CLCN2: variants seen among roughly 807,000 people sequenced by gnomAD.
The protein encoded by CLCN2 is chloride voltage-gated channel 2.
CLCN2 carries 72 observed loss-of-function variants against 108.3 expected under a neutral mutation model. The ratio of observed to expected loss-of-function variants is 0.66; its 90% CI spans 0.55 to 0.81. CLCN2 has a LOEUF of 0.81. Among genes scored for constraint, CLCN2 ranks in the 30% least tolerant of loss-of-function variants. The pLI, the probability that CLCN2 is intolerant of heterozygous loss-of-function variation, is 0.00. For synonymous variants in CLCN2, 471 were observed against 467.1 expected, an observed-to-expected ratio of 1.01 and a Z score of -0.11; for missense variants, 1,048 against 1,205.2, an observed-to-expected ratio of 0.87 and a Z score of 1.93.
At position 184,360,084 on chromosome 3, in the gene CLCN2, G is replaced by A. The variant is rs145475329; in HGVS notation, c.64-953C>T. ...AGAGGGAACTAGAGAGGAGAAAGTA[G>A]AAGAGAAAAGAGAGGGAAGGCGAAG... On this transcript the variant is annotated intron_variant, in intron 1 of 23. Coordinates refer to ENST00000265593, the MANE Select transcript of CLCN2 (RefSeq NM_004366.6). Among the ~76,000 whole-genome samples the A allele has an allele frequency of 4.3e-3, 650 of 152,140 alleles. 4 individuals are homozygous for A. Among genetic ancestry groups the A allele is most frequent in the Non-Finnish European group, 7.7e-3 (522 of 67,964 alleles).
In CLCN2 at chr3:184,346,584, T is replaced by C; in HGVS notation, c.*22A>G. ...GGGCTGACGGGCATGGCTAGCACCA[T>C]CCTAGGCCACCCACGAGGGGCTCAT... is the stretch of plus-strand genomic sequence containing the variant. On this transcript the variant is annotated 3_prime_UTR_variant, in exon 24 of 24. Coordinates refer to ENST00000265593, the MANE Select transcript of CLCN2 (RefSeq NM_004366.6). This position sits in a 1 kb window ranked among gnomAD's most constrained non-coding sequence, Gnocchi z 6.0. 1 of 1,613,004 alleles carries C rather than the reference T, an allele frequency of 6.2e-7. No individual in the cohort carries two copies. Among genetic ancestry groups the C allele is most frequent in the Non-Finnish European group, 8.5e-7 (1 of 1,179,674 alleles).
At position 184,357,211 on chromosome 3, in the gene CLCN2, C is replaced by T. The variant is rs773715723; in HGVS notation, c.954G>A (p.Leu318=). 1 of 1,614,010 alleles carries T rather than the reference C, an allele frequency of 6.2e-7. No individual in the cohort carries two copies. The highest frequency in any genetic ancestry group is 1.7e-5 in the Admixed American group (1 of 60,012). ...TRFRLDFPFD[L]QELPAFAVIG... ...TGACAGCAAAGGCTGGCAGCTCCTG[C>T]AGGTCAAAGGGGAAGTCGAGCCGGA... Residue 318 remains leucine (L), a synonymous_variant, in exon 9 of 24, where the codon CTG becomes CTA. Transcript: ENST00000265593.
intron 1 of CLCN2, among the ~76,000 whole-genome samples, chr3:184,360,410 C>G (rs1711891149): frequency 6.6e-6 from 1 of 152,058 alleles, no homozygotes; most frequent in African/African-American, 2.4e-5. Flanking sequence ...TGCTCCTATC[C>G]TGGTCTGGGC....
chr3:184,346,334 C>T lies in CLCN2; in HGVS notation c.*272G>A. 1.8e-6 allele frequency: 1 copy of T among 545,688 alleles called. No homozygotes were observed. The highest frequency in any genetic ancestry group is 3.2e-5 in the East Asian group (1 of 31,556). The allele number at this position is 545,688 out of a possible 1,614,324, so 33.8% of individuals were successfully genotyped here. On this transcript the variant is annotated 3_prime_UTR_variant, in exon 24 of 24. Transcript: ENST00000265593. The surrounding 1 kb of genome is among the most constrained non-coding windows in gnomAD (Gnocchi z 6.0). Reference sequence around the variant, plus strand: ...ACCCATCTTAGTTCCACCCCTTTCCCCTCAAAGGGGGAGCAGGGGTCAAGT... The same window carrying T: ...ACCCATCTTAGTTCCACCCCTTTCCTCTCAAAGGGGGAGCAGGGGTCAAGT...
Position 184,355,572 on chromosome 3 carries a change from G to A in CLCN2, c.1171-43C>T. On this transcript the variant is annotated intron_variant, in intron 11 of 23. Coordinates refer to ENST00000265593, the MANE Select transcript of CLCN2 (RefSeq NM_004366.6). This position sits in a 1 kb window ranked among gnomAD's most constrained non-coding sequence, Gnocchi z 6.3. The stretch of plus-strand genomic sequence containing the variant: ...CCTCAGGCTGGGAAACCGACAGGAT[G>A]AAGGGAAGAGGCCATGGGATCCCAC... 6.2e-7 allele frequency: 1 copy of A among 1,612,522 alleles called. No individual in the cohort carries two copies. The highest frequency in any genetic ancestry group is 8.5e-7 in the Non-Finnish European group (1 of 1,178,626).
chr3:184,355,528 A>G lies in CLCN2; in HGVS notation c.1172T>C (p.Leu391Pro). Residue 391 changes from leucine to proline, a missense_variant and splice_region_variant, in exon 12 of 24, where the codon CTC (leucine) becomes CCC (proline). Transcript: ENST00000265593. This position sits in a 1 kb window ranked among gnomAD's most constrained non-coding sequence, Gnocchi z 6.3. Reference protein sequence around the residue: ...PGFGQFMAGQLSQKETLVTLF... With the variant: ...PGFGQFMAGQPSQKETLVTLF... ...GGTGACCAGCGTCTCTTTCTGTGAG[A>G]GCTAGAGTGAACAGGGTGCCTCAGG... The G allele has an allele frequency of 6.2e-7, 1 of 1,614,052 alleles. No homozygotes were observed. The highest frequency in any genetic ancestry group is 8.5e-7 in the Non-Finnish European group (1 of 1,180,008).
chr3:184,359,950 G>A (rs902501839), intron 1 of CLCN2, among the ~76,000 whole-genome samples: 1 of 140,762 alleles, frequency 7.1e-6, no homozygotes, highest in African/African-American at 2.6e-5. Flanking sequence ...CACCCGCAGA[G>A]CTTCGGGACA....
At position 184,352,133 on chromosome 3, in the gene CLCN2, T is replaced by A; in HGVS notation, c.2311-16A>T. 1 of 1,608,518 alleles carries A rather than the reference T, an allele frequency of 6.2e-7. No individual in the cohort carries two copies. The highest frequency in any genetic ancestry group is 8.5e-7 in the Non-Finnish European group (1 of 1,175,004). On this transcript the variant is annotated splice_polypyrimidine_tract_variant and intron_variant, in intron 21 of 23. Coordinates refer to ENST00000265593, the MANE Select transcript of CLCN2 (RefSeq NM_004366.6). ...ACTCCAGAATCTGAGGGGAAGAGAC[T>A]ATGAGGTTTAGGGAGAAGGTGCCTG...
chr3:184,347,418 G>A, intron 22 of CLCN2: 1 of 346,682 alleles, frequency 2.9e-6, no homozygotes, highest in African/African-American at 2.1e-5. Flanking sequence ...AGCATTAGGA[G>A]AAGCAGCATG....
intron 1 of CLCN2, among the ~76,000 whole-genome samples, chr3:184,359,689 C>A (rs1711712081): frequency 6.6e-6 from 1 of 152,208 alleles, no homozygotes; most frequent in African/African-American, 2.4e-5. Context: ...ACTGCCACCC[C>A]CACCAGCCTG....
rs1279074145 is a variant in CLCN2 at position 184,361,381 on chromosome 3, G to C, written c.63+36C>G. 2.5e-6 allele frequency: 4 copies of C among 1,608,166 alleles called. No homozygotes were observed. Among genetic ancestry groups the C allele is most frequent in the African/African-American group, 2.7e-5 (2 of 74,810 alleles). ...AGGGTAACCTGGAGCAGGGGTCCCG[G>C]AGCGCACTCCTGGGGCTCAGCTCAG... On this transcript the variant is annotated intron_variant, in intron 1 of 23. Transcript: ENST00000265593. The surrounding 1 kb of genome is among the most constrained non-coding windows in gnomAD (Gnocchi z 6.6).
In CLCN2 at chr3:184,356,997, T is replaced by C. The variant is rs775713685; in HGVS notation, c.1081A>G (p.Arg361Gly). The C allele has an allele frequency of 1.2e-6, 2 of 1,612,182 alleles. No homozygotes were observed. The highest frequency in any genetic ancestry group is 1.7e-6 in the Non-Finnish European group (2 of 1,179,130). ...GAGGAGCCGAGAGCCACTCACTTCCTCATGAGGAAGCGATTGATGGTTTTC... is the reference window on the plus strand; with the variant it reads ...GAGGAGCCGAGAGCCACTCACTTCCCCATGAGGAAGCGATTGATGGTTTTC... ...KQKTINRFLM[R>G]KRLLFPALVT... is the part of the protein sequence containing the mutation. Residue 361 changes from arginine (R) to glycine (G), a missense_variant, in exon 10 of 24, where the codon AGG (arginine) becomes GGG (glycine). By Grantham distance (125) the Arg-to-Gly change is moderately radical (BLOSUM62 -2). Transcript: ENST00000265593.
intron 22 of CLCN2, among the ~76,000 whole-genome samples, chr3:184,350,227 C>G (rs1423788613): frequency 6.6e-6 from 1 of 152,140 alleles, no homozygotes; most frequent in Non-Finnish European, 1.5e-5. Flanking sequence ...GGCCTGGGAA[C>G]AGTGAACTGA....
At chr3:184,352,983 A>C (rs749734160) in intron 18 of CLCN2, 50 bp downstream of exon 18, 1 of 1,574,076 alleles carries the variant, frequency 6.4e-7, no homozygotes, top group South Asian at 1.1e-5. Context: ...ACTCTAATGG[A>C]TCTCAGTAGC....
At chr3:184,356,302 C>T (rs977306459) in intron 10 of CLCN2, 2 of 191,916 alleles carry the variant, frequency 1.0e-5, no homozygotes, top group African/African-American at 4.7e-5. Context: ...CTCCCCACTC[C>T]CAATCCTCAG....
At position 184,357,344 on chromosome 3, in the gene CLCN2, T is replaced by C. The variant is rs913393973; in HGVS notation, c.898+18A>G. The stretch of plus-strand genomic sequence containing the variant: ...CTGGCACCATCTCGGGCTGCCCTCA[T>C]CCCCTGGGTGCCCCCACCTTCATCC... On this transcript the variant is annotated intron_variant, in intron 8 of 23. Coordinates refer to ENST00000265593, the MANE Select transcript of CLCN2 (RefSeq NM_004366.6). 9 of 1,613,952 alleles carry C rather than the reference T, an allele frequency of 5.6e-6. No individual in the cohort carries two copies. Among genetic ancestry groups the C allele is most frequent in the Non-Finnish European group, 7.6e-6 (9 of 1,179,998 alleles).
At position 184,355,729 on chromosome 3, in the gene CLCN2, A is replaced by C. The variant is rs745547651; in HGVS notation, c.1135T>G (p.Phe379Val). ...LVTLLISTLT[F>V]PPGFGQFMAG... ...ATGAACTGTCCAAAGCCAGGGGGGA[A>C]GGTCAGCGTGGAGATGAGCAGGGTC... Residue 379 changes from phenylalanine to valine, a missense_variant, in exon 11 of 24, where the codon TTC becomes GTC. Coordinates refer to ENST00000265593, the MANE Select transcript of CLCN2 (RefSeq NM_004366.6). The surrounding 1 kb of genome is among the most constrained non-coding windows in gnomAD (Gnocchi z 6.3). The C allele has an allele frequency of 6.2e-7, 1 of 1,614,198 alleles. No individual in the cohort carries two copies. Among genetic ancestry groups the C allele is most frequent in the East Asian group, 2.2e-5 (1 of 44,888 alleles).
In CLCN2 at chr3:184,352,001, T is replaced by C; in HGVS notation, c.2415+12A>G. 2 of 1,594,928 alleles carry C rather than the reference T, an allele frequency of 1.3e-6. No individual in the cohort carries two copies. The highest frequency in any genetic ancestry group is 1.7e-6 in the Non-Finnish European group (2 of 1,163,170). On this transcript the variant is annotated intron_variant, in intron 22 of 23. Coordinates refer to ENST00000265593, the MANE Select transcript of CLCN2 (RefSeq NM_004366.6). ...AGCCTAGACCAGCCCTGGGCCAGGC[T>C]GCTGGCCCTACCTTGTGCAAAGAGG...
Position 184,357,811 on chromosome 3 carries a change from T to G in CLCN2, c.661A>C (p.Lys221Gln). The G allele has an allele frequency of 6.2e-7, 1 of 1,613,976 alleles. No individual in the cohort carries two copies. The highest frequency in any genetic ancestry group is 8.5e-7 in the Non-Finnish European group (1 of 1,180,018). Residue 221 changes from lysine to glutamine, a missense_variant, in exon 6 of 24, where the codon AAG becomes CAG. Physicochemically the swap from Lys to Gln is moderately conservative, Grantham distance 53. Coordinates refer to ENST00000265593, the MANE Select transcript of CLCN2 (RefSeq NM_004366.6). ...IASMCAALLS[K>Q]FLSLFGGIYE... Reference sequence around the variant, plus strand: ...ATACCCCCAAAGAGGGAGAGGAACTTGCTGAGAAGGGCAGCACACATGCTT... The same window carrying G: ...ATACCCCCAAAGAGGGAGAGGAACTGGCTGAGAAGGGCAGCACACATGCTT...
Sources: allele counts gnomAD v4.1 joint callset (sites outside exome capture counted in the v4.1 genomes callset), GRCh38; gene constraint gnomAD v4.1.1; non-coding constraint Gnocchi (gnomAD v3.1); transcripts MANE v1.5; gene names NCBI Gene and HGNC (gene_info 2026-07-23, HGNC 2026-07-21).